The following TBC1D13 variants were observed in gnomAD, a reference collection of about 807,000 sequenced individuals.
TBC1D13 encodes epididymis secretory sperm binding protein.
A neutral mutation model predicts 53.6 loss-of-function variants in TBC1D13; 40 were observed. That is an observed-to-expected ratio of 0.75 (90% CI 0.58 to 0.97). The LOEUF is 0.97. Ranked by LOEUF, TBC1D13 falls within the 50% of genes least tolerant of loss-of-function variation. The pLI is 0.00. For missense variants in TBC1D13, 377 were observed against 499.4 expected (o/e 0.75, Z 2.34); for synonymous variants, 182 against 197.7 (o/e 0.92, Z 0.67).
In TBC1D13 at chr9:128,787,327, C is replaced by T. The variant is rs370725527; in HGVS notation, c.-27C>T. 40 of 1,257,092 alleles carry T rather than the reference C, an allele frequency of 3.2e-5. No homozygotes were observed. Among genetic ancestry groups the T allele is most frequent in the Non-Finnish European group, 3.9e-5 (39 of 994,862 alleles). The allele number at this position is 1,257,092 out of a possible 1,614,324, so 77.9% of individuals were successfully genotyped here. A position where few individuals can be genotyped will look rare whatever the true frequency, so the allele number is the denominator to read the frequency against. On this transcript the variant is annotated 5_prime_UTR_variant, in exon 1 of 12. Coordinates refer to ENST00000372648, the MANE Select transcript of TBC1D13 (RefSeq NM_018201.5). ...GCGGCAGAGGCGCAGGCGGCGGAGG[C>T]GGCTGGGGGGTCCGGAAGTCAACAC...
intron 6 of TBC1D13, among the ~76,000 whole-genome samples, chr9:128,793,971 C>A (rs1353833900): frequency 1.3e-5 from 2 of 152,162 alleles, no homozygotes; most frequent in Non-Finnish European, 2.9e-5. Flanking sequence ...ATATACTAAA[C>A]CTGGAAACAG....
intron 2 of TBC1D13, among the ~76,000 whole-genome samples, chr9:128,789,376 T>C (rs899019276): frequency 2.6e-5 from 4 of 151,336 alleles, no homozygotes; most frequent in African/African-American, 7.3e-5. Flanking sequence ...ATATAGATTC[T>C]GAAGTGGAGG....
intron 3 of TBC1D13, 34 bp from the exon 4 acceptor site, chr9:128,791,346 G>C: frequency 6.2e-7 from 1 of 1,607,924 alleles, no homozygotes. Context: ...GTGCAGGAGG[G>C]TCACCAGAGC....
At chr9:128,804,511 A>G (rs1476941565) in intron 9 of TBC1D13, among the ~76,000 whole-genome samples, 1 of 148,524 alleles carries the variant, frequency 6.7e-6, no homozygotes. Flanking sequence ...GGTTCATGCC[A>G]TTCTCCTGCC....
chr9:128,792,724 G>C (rs1324486295), intron 6 of TBC1D13, 150 bp downstream of exon 6: 1 of 680,934 alleles, frequency 1.5e-6, no homozygotes, highest in Non-Finnish European at 2.5e-6. Flanking sequence ...AGGCACTATT[G>C]ATGATAGGCT....
intron 1 of TBC1D13, 60 bp from the exon 2 acceptor site, chr9:128,788,274 T>C: frequency 2.7e-6 from 4 of 1,479,470 alleles, no homozygotes; most frequent in Non-Finnish European, 3.8e-6. Flanking sequence ...AGCTGAGGGC[T>C]GTGGGTCTCA....
At position 128,790,759 on chromosome 9, in the gene TBC1D13, G is replaced by A. The variant is rs1321341015; in HGVS notation, c.122G>A (p.Arg41Gln). ...GGCATCCCCTGTGAGGGCGGACTGC[G>A]GTGCCTCTGCTGGAAGGTGGGTGTG... ...FSGIPCEGGL[R>Q]CLCWKILLNY... The change falls in exon 3 of 12, where the codon CGG (arginine) becomes CAG (glutamine). Residue 41 changes from arginine to glutamine, a missense_variant. By Grantham distance (43) the Arg-to-Gln change is conservative. Coordinates refer to ENST00000372648, the MANE Select transcript of TBC1D13 (RefSeq NM_018201.5). 5.8e-6 allele frequency: 9 copies of A among 1,554,176 alleles called. No homozygotes were observed. The highest frequency in any genetic ancestry group is 2.4e-5 in the South Asian group (2 of 82,814).
At chr9:128,788,281 C>T in intron 1 of TBC1D13, 53 bp from the exon 2 acceptor site, 1 of 1,536,592 alleles carries the variant, frequency 6.5e-7, no homozygotes, top group Non-Finnish European at 9.0e-7. Context: ...GGCTGTGGGT[C>T]TCACTGAGCC....
Position 128,788,844 on chromosome 9 carries a change from G to A in TBC1D13, c.97+437G>A, listed in dbSNP as rs182056390. ...CCCTGGCTTGGGGTCTAAGCTGCCT[G>A]AACTAAACCTTGGCTAGTGGTAAAA... On this transcript the variant is annotated intron_variant, in intron 2 of 11. Coordinates refer to ENST00000372648, the MANE Select transcript of TBC1D13 (RefSeq NM_018201.5). 2.2e-4 allele frequency among the ~76,000 whole-genome samples: 34 copies of A among 152,298 alleles called. No homozygotes were observed. The East Asian group carries it at 6.0e-3, about 27-fold the overall frequency.
rs773631152 is a variant in TBC1D13 at position 128,803,963 on chromosome 9, C to T, written c.762C>T (p.Ala254=). 67 of 1,612,712 alleles carry T rather than the reference C, an allele frequency of 4.2e-5. No homozygotes were observed. Among genetic ancestry groups the T allele is most frequent in the Middle Eastern group, 1.9e-4 (1 of 5,156 alleles). The change falls in exon 9 of 12, where the codon GCC becomes GCT. Residue 254 remains alanine, a synonymous_variant. Transcript: ENST00000372648. ...CATCCTGCTCTCTCCCAGAGCACGC[C>T]GAGGCAGACACCTTTTTCTGCTTCA... ...TDPNSEWKEH[A]EADTFFCFTN...
intron 8 of TBC1D13, 93 bp downstream of exon 8, chr9:128,803,553 C>A: frequency 8.2e-7 from 1 of 1,220,092 alleles, no homozygotes; most frequent in Non-Finnish European, 1.2e-6. Flanking sequence ...TCTCCCTCTG[C>A]CAGATGAGGA....
chr9:128,796,547 A>G (rs746388598), intron 6 of TBC1D13, among the ~76,000 whole-genome samples: 1 of 151,966 alleles, frequency 6.6e-6, no homozygotes, highest in Non-Finnish European at 1.5e-5. Flanking sequence ...CACCGTGCCC[A>G]GCCAATTTTT....
chr9:128,803,249 G>A lies in TBC1D13; in HGVS notation c.544-1G>A. On this transcript the variant is annotated splice_acceptor_variant, in intron 7 of 11. Transcript: ENST00000372648. LOFTEE classifies it high-confidence loss of function. The stretch of plus-strand genomic sequence containing the variant: ...GATGGGCTCCTCCTCTTCTCCTCCA[G>A]ATGAGCTCCCCACACAAGAACTCTG... 6.2e-7 allele frequency: 1 copy of A among 1,613,974 alleles called. No individual in the cohort carries two copies. The highest frequency in any genetic ancestry group is 1.3e-5 in the African/African-American group (1 of 75,012).
intron 2 of TBC1D13, among the ~76,000 whole-genome samples, chr9:128,788,989 A>C (rs1829479907): frequency 6.6e-6 from 1 of 152,208 alleles, no homozygotes; most frequent in Non-Finnish European, 1.5e-5. Flanking sequence ...CGTGTTCTGC[A>C]TAGCTTCTTG....
intron 6 of TBC1D13, among the ~76,000 whole-genome samples, chr9:128,793,427 C>T (rs1366939410): frequency 6.6e-6 from 1 of 152,176 alleles, no homozygotes; most frequent in Non-Finnish European, 1.5e-5. Context: ...AGAAGGCAGG[C>T]CTTGTCCACA....
Position 128,794,171 on chromosome 9 carries a change from C to A in TBC1D13, c.383+1597C>A, listed in dbSNP as rs2132536101. ...GAGTCTGCTGGGCTGAGGCACAGCA[C>A]ATGAGAGTGCCCTGTGGCCGGGGAA... On this transcript the variant is annotated intron_variant, in intron 6 of 11. Transcript: ENST00000372648. 2.0e-5 allele frequency among the ~76,000 whole-genome samples: 3 copies of A among 152,326 alleles called. No individual in the cohort carries two copies. The Middle Eastern group carries it at 0.01, about 518-fold the overall frequency.
At chr9:128,805,503 T>C (rs574026299) in intron 9 of TBC1D13, among the ~76,000 whole-genome samples, 2 of 152,362 alleles carry the variant, frequency 1.3e-5, no homozygotes, top group South Asian at 4.1e-4. Context: ...CCCAGGCTTT[T>C]AGTAAGTGCC....
intron 2 of TBC1D13, among the ~76,000 whole-genome samples, chr9:128,789,691 A>G (rs80176123): frequency 0.038 from 5,748 of 151,842 alleles, 116 homozygotes; most frequent in Middle Eastern, 0.075. Flanking sequence ...AATATCTTCT[A>G]TGTGCAGTGC....
At chr9:128,796,246 T>G (rs1829628683) in intron 6 of TBC1D13, among the ~76,000 whole-genome samples, 1 of 151,594 alleles carries the variant, frequency 6.6e-6, no homozygotes, top group African/African-American at 2.4e-5. Context: ...CCACTGCGCC[T>G]GGCTAATTTT....
Sources: gnomAD v4.1 joint callset for allele counts (sites outside exome capture counted in the v4.1 genomes callset) on GRCh38, gnomAD v4.1.1 for gene constraint, MANE v1.5 for transcripts, NCBI Gene and HGNC (gene_info 2026-07-23, HGNC 2026-07-21) for gene names.